The following SUGCT variants were observed in gnomAD, a reference collection of about 807,000 sequenced individuals.
SUGCT encodes succinyl-CoA:glutarate CoA-transferase.
In SUGCT, 41 loss-of-function variants were observed where a neutral mutation model predicts 55.0. The observed-to-expected ratio is 0.74, with a 90% CI of 0.58 to 0.97. SUGCT has a LOEUF of 0.97. SUGCT is among the 50% of genes least tolerant of loss of function. SUGCT has a pLI of 0.00. For missense variants in SUGCT, 568 were observed against 547.8 expected (o/e 1.04, Z -0.37); for synonymous variants, 187 against 200.4 (o/e 0.93, Z 0.56).
intron 7 of SUGCT, among the ~76,000 whole-genome samples, chr7:40,245,251 G>A (rs1217071046): frequency 1.3e-5 from 2 of 148,738 alleles, no homozygotes; most frequent in African/African-American, 2.5e-5. Flanking sequence ...TAGAGATGGG[G>A]TTTCACCGTG....
chr7:40,286,447 T>C (rs1793347073), intron 8 of SUGCT, among the ~76,000 whole-genome samples: 1 of 152,174 alleles, frequency 6.6e-6, no homozygotes. Flanking sequence ...CTCAAGATCT[T>C]TAATGTTATC....
chr7:40,356,827 T>G (rs1797906643), intron 9 of SUGCT, among the ~76,000 whole-genome samples: 1 of 152,196 alleles, frequency 6.6e-6, no homozygotes, highest in Admixed American at 6.5e-5. Flanking sequence ...ACTGACTCCT[T>G]GAAAGAACAA....
intron 8 of SUGCT, among the ~76,000 whole-genome samples, chr7:40,310,667 A>G (rs1374361115): frequency 1.3e-5 from 2 of 152,198 alleles, no homozygotes; most frequent in East Asian, 3.9e-4. Flanking sequence ...TTTCAGATAA[A>G]ATTCAAATAA....
rs1379152702 is a variant in SUGCT, at chr7:40,611,621, GGTA to G, written c.1089+115242_1089+115244del. Among the ~76,000 whole-genome samples the G allele has an allele frequency of 2.6e-5, 4 of 152,230 alleles. No individual in the cohort carries two copies. The East Asian group carries it at 7.7e-4, about 29-fold the overall frequency. On this transcript the variant is annotated intron_variant, in intron 12 of 13. Transcript: ENST00000335693. ...TTAGGTAGTAAAATTGCATAGTAGT[GGTA>G]GTAGTAACAATAGTACTCCTAGTAA...
intron 6 of SUGCT, among the ~76,000 whole-genome samples, chr7:40,204,132 G>A (rs983605421): frequency 1.3e-5 from 2 of 151,762 alleles, no homozygotes; most frequent in African/African-American, 4.8e-5. Flanking sequence ...GGGATCATAG[G>A]CATGCACCAC....
the SUGCT span, among the ~76,000 whole-genome samples, chr7:40,906,914 T>A: frequency 6.6e-6 from 1 of 151,818 alleles, no homozygotes; most frequent in Admixed American, 6.6e-5. Context: ...AAATAACAAA[T>A]CTTCCCAGAG....
At chr7:40,501,946 G>T (rs954389289) in intron 12 of SUGCT, among the ~76,000 whole-genome samples, 2 of 151,892 alleles carry the variant, frequency 1.3e-5, no homozygotes, top group African/African-American at 4.8e-5. Flanking sequence ...AAGCATATTT[G>T]CCCCAGAACT....
At chr7:40,512,355 C>A (rs1374501186) in intron 12 of SUGCT, among the ~76,000 whole-genome samples, 2 of 152,072 alleles carry the variant, frequency 1.3e-5, no homozygotes, top group Non-Finnish European at 2.9e-5. Context: ...AGAAGAAACA[C>A]AAGTTTAAGA....
chr7:40,188,889 C>A (rs7808779), intron 4 of SUGCT, among the ~76,000 whole-genome samples: 1 of 152,028 alleles, frequency 6.6e-6, no homozygotes, highest in Admixed American at 6.6e-5. Flanking sequence ...GCCTAACACT[C>A]GGTATTATAC....
intron 13 of SUGCT, among the ~76,000 whole-genome samples, chr7:40,802,395 C>T (rs1316932865): frequency 2.0e-5 from 3 of 152,040 alleles, no homozygotes; most frequent in African/African-American, 7.2e-5. Context: ...TGATCATCAC[C>T]AAAATGGCAT....
At chr7:40,439,064 G>GTGTGTATATATATA (rs1283539157) in intron 9 of SUGCT, among the ~76,000 whole-genome samples, 3 of 27,194 alleles carry the variant, frequency 1.1e-4, no homozygotes, top group African/African-American at 1.6e-4. Context: ...TATATATGGT[G>GTGTGTATATATATA]TATATATATA....
chr7:40,315,729 A>G (rs188733675), intron 8 of SUGCT, among the ~76,000 whole-genome samples: 359 of 152,330 alleles, frequency 2.4e-3, no homozygotes, highest in African/African-American at 7.9e-3. Context: ...TTTTAATGAC[A>G]GGCTTTGTAG....
At chr7:40,147,533 C>T (rs1477561124) in intron 1 of SUGCT, among the ~76,000 whole-genome samples, 1 of 152,202 alleles carries the variant, frequency 6.6e-6, no homozygotes, top group Non-Finnish European at 1.5e-5. Context: ...TTTACCACCC[C>T]GCAGCTTTTT....
At chr7:40,868,575 C>A in the SUGCT span, among the ~76,000 whole-genome samples, 1 of 152,130 alleles carries the variant, frequency 6.6e-6, no homozygotes, top group Non-Finnish European at 1.5e-5. Context: ...GAGGTGAGCG[C>A]TTGCTCTGTC....
At chr7:40,937,027 C>T in the SUGCT span, among the ~76,000 whole-genome samples, 12,149 of 151,996 alleles carry the variant, frequency 0.08, 532 homozygotes, top group African/African-American at 0.1. Context: ...ATGTTCTTTC[C>T]TGGAGAATTT....
chr7:40,897,243 C>G, the SUGCT span, among the ~76,000 whole-genome samples: 1 of 152,180 alleles, frequency 6.6e-6, no homozygotes, highest in Non-Finnish European at 1.5e-5. Flanking sequence ...AGTGCTGGAA[C>G]TGTGAAACTA....
chr7:40,222,986 T>C (rs1023440929), intron 6 of SUGCT, among the ~76,000 whole-genome samples: 8 of 94,056 alleles, frequency 8.5e-5, no homozygotes, highest in South Asian at 4.3e-4. Flanking sequence ...TTTTCATTTC[T>C]TTCCTTCCTT....
At chr7:41,030,356 G>A in the SUGCT span, among the ~76,000 whole-genome samples, 3 of 152,056 alleles carry the variant, frequency 2.0e-5, no homozygotes, top group African/African-American at 7.2e-5. Flanking sequence ...CTGAAAAATG[G>A]TGGGTGAAAT....
chr7:41,009,354 A>G, the SUGCT span, among the ~76,000 whole-genome samples: 1 of 152,202 alleles, frequency 6.6e-6, no homozygotes, highest in Non-Finnish European at 1.5e-5. Flanking sequence ...ATGTTTCTTC[A>G]TAAAAATTAG....
Sources: allele counts gnomAD v4.1 joint callset (sites outside exome capture counted in the v4.1 genomes callset), GRCh38; gene constraint gnomAD v4.1.1; transcripts MANE v1.5; gene names NCBI Gene and HGNC (gene_info 2026-07-23, HGNC 2026-07-21).